Variants in PDGFB observed in about 807,000 individuals in gnomAD.
PDGFB encodes the protein platelet derived growth factor subunit B.
Under a neutral mutation model 29.0 loss-of-function variants are expected in PDGFB, and 6 were observed. The ratio of observed to expected loss-of-function variants is 0.21; its 90% CI spans 0.11 to 0.41. PDGFB has a LOEUF of 0.41. Ranked by LOEUF, PDGFB falls within the 10% of genes least tolerant of loss-of-function variation. The pLI is 1.00. For synonymous variants in PDGFB, 144 were observed against 140.8 expected, an observed-to-expected ratio of 1.02 and a Z score of -0.16; for missense variants, 299 against 341.8, an observed-to-expected ratio of 0.87 and a Z score of 0.99.
intron 5 of PDGFB, among the ~76,000 whole-genome samples, chr22:39,229,115 G>A (rs896574601): frequency 6.6e-6 from 1 of 152,016 alleles, no homozygotes; most frequent in Non-Finnish European, 1.5e-5. Context: ...AGATTGTCCT[G>A]TCCCTAACAA....
chr22:39,233,093 CT>C (rs1932350439), intron 3 of PDGFB, among the ~76,000 whole-genome samples: 1 of 152,176 alleles, frequency 6.6e-6, no homozygotes, highest in African/African-American at 2.4e-5. Context: ...CTACCGCTCC[CT>C]AGCAGTGTGA....
chr22:39,228,992 A>G (rs755054176), intron 5 of PDGFB, among the ~76,000 whole-genome samples: 1 of 151,888 alleles, frequency 6.6e-6, no homozygotes, highest in Non-Finnish European at 1.5e-5. Flanking sequence ...AAGCTGTCAT[A>G]TGATCAGCCT....
chr22:39,235,427 G>A (rs976456988), intron 2 of PDGFB, among the ~76,000 whole-genome samples: 5 of 152,298 alleles, frequency 3.3e-5, no homozygotes, highest in South Asian at 4.1e-4. Context: ...CCAGAGGGGC[G>A]GGGAGATGAC....
intron 1 of PDGFB, among the ~76,000 whole-genome samples, chr22:39,238,530 T>C (rs1235690691): frequency 6.6e-6 from 1 of 152,146 alleles, no homozygotes; most frequent in Admixed American, 6.6e-5. Context: ...CTACCAATCC[T>C]AAGAGGCTGG....
rs1960376293 is a variant in PDGFB at position 39,242,706 on chromosome 22, A to G, written c.63+1195T>C. Among the ~76,000 whole-genome samples the G allele has an allele frequency of 6.6e-6, 1 of 151,720 alleles. No individual in the cohort carries two copies. ...GCCCAAGGCCGGGCCGCGGCCTCCG[A>G]GCCCTCCGCCTTAACCCCTTCGCCG... On this transcript the variant is annotated intron_variant, in intron 1 of 6. Coordinates refer to ENST00000331163, the MANE Select transcript of PDGFB (RefSeq NM_002608.4). This position sits in a 1 kb window ranked among gnomAD's most constrained non-coding sequence, Gnocchi z 5.7.
chr22:39,231,909 C>T lies in PDGFB; in HGVS notation c.251-82G>A. On this transcript the variant is annotated intron_variant, in intron 3 of 6. Transcript: ENST00000331163. The surrounding 1 kb of genome is among the most constrained non-coding windows in gnomAD (Gnocchi z 4.3). ...TGGCAGGGGAGCTCAGCGGGTGCCT[C>T]CGGGACTGCTCTTTCTCACGCCCTT... is the stretch of plus-strand genomic sequence containing the variant. 1 of 1,181,264 alleles carries T rather than the reference C, an allele frequency of 8.5e-7. No individual in the cohort carries two copies. Among genetic ancestry groups the T allele is most frequent in the South Asian group, 1.4e-5 (1 of 71,144 alleles). The allele number at this position is 1,181,264 out of a possible 1,614,324, so 73.2% of individuals were successfully genotyped here. A position where few individuals can be genotyped will look rare whatever the true frequency, so the allele number is the denominator to read the frequency against.
Position 39,233,518 on chromosome 22 carries a change from T to G in PDGFB, c.167A>C (p.Asp56Ala). ...CATGTTCAGGTCCAACTCGGCCCCA[T>G]CTTCCTCTGCAGGAGAAGTCACAGT... ...RLLHGDPGEE[D>A]GAELDLNMTR... The change falls in exon 3 of 7, where the codon GAT becomes GCT. Residue 56 changes from aspartate (D) to alanine (A), a missense_variant. Transcript: ENST00000331163. 1.9e-6 allele frequency: 3 copies of G among 1,587,534 alleles called. No individual in the cohort carries two copies. The highest frequency in any genetic ancestry group is 2.6e-6 in the Non-Finnish European group (3 of 1,168,816).
chr22:39,236,828 G>C (rs955439328), intron 1 of PDGFB, among the ~76,000 whole-genome samples: 1 of 152,212 alleles, frequency 6.6e-6, no homozygotes, highest in Non-Finnish European at 1.5e-5. Flanking sequence ...GTCGCTGCAC[G>C]TTCAAAGGCT....
chr22:39,233,318 G>A (rs753231928), intron 3 of PDGFB, 117 bp downstream of exon 3: 12 of 669,588 alleles, frequency 1.8e-5, no homozygotes, highest in Admixed American at 3.3e-5. Flanking sequence ...CTGAATGTGG[G>A]GGGAACGGGA....
intron 5 of PDGFB, 150 bp downstream of exon 5, chr22:39,229,934 C>T (rs1025234708): frequency 1.1e-5 from 11 of 960,014 alleles, no homozygotes; most frequent in Non-Finnish European, 1.5e-5. Context: ...CAGGGAGGAA[C>T]CTGGCTTGTG....
chr22:39,226,536 A>G (rs2285095), intron 5 of PDGFB, among the ~76,000 whole-genome samples: 56,584 of 152,058 alleles, frequency 0.37, 11,070 homozygotes, highest in Middle Eastern at 0.49. Flanking sequence ...ACTGCAACCA[A>G]TAGAGGGGCC....
At chr22:39,226,432 C>A (rs938971744) in intron 5 of PDGFB, among the ~76,000 whole-genome samples, 1 of 152,036 alleles carries the variant, frequency 6.6e-6, no homozygotes, top group East Asian at 1.9e-4. Flanking sequence ...TGGCTCTCCC[C>A]GTAGAGCCAG....
rs992814153 is a variant in PDGFB, at chr22:39,242,947, C to T, written c.63+954G>A. On this transcript the variant is annotated intron_variant, in intron 1 of 6. Coordinates refer to ENST00000331163, the MANE Select transcript of PDGFB (RefSeq NM_002608.4). The surrounding 1 kb of genome is among the most constrained non-coding windows in gnomAD (Gnocchi z 5.7). ...CCACCTGGATTCCGGGTAGACTTGC[C>T]AACTCACGGCTACGTGAGGCTGGGA... is the stretch of plus-strand genomic sequence containing the variant. 3 of 233,028 alleles carry T rather than the reference C, an allele frequency of 1.3e-5. No homozygotes were observed. Among genetic ancestry groups the T allele is most frequent in the African/African-American group, 6.6e-5 (3 of 45,348 alleles). 14.4% of individuals were successfully genotyped at this position (233,028 alleles called of 1,614,324 possible). A position where few individuals can be genotyped will look rare whatever the true frequency, so the allele number is the denominator to read the frequency against.
Position 39,243,983 on chromosome 22 carries a change from C to A in PDGFB, c.-20G>T, listed in dbSNP as rs775482940. 6.4e-7 allele frequency: 1 copy of A among 1,565,566 alleles called. No individual in the cohort carries two copies. Among genetic ancestry groups the A allele is most frequent in the South Asian group, 1.2e-5 (1 of 86,150 alleles). On this transcript the variant is annotated 5_prime_UTR_variant, in exon 1 of 7. Transcript: ENST00000331163. The surrounding 1 kb of genome is among the most constrained non-coding windows in gnomAD (Gnocchi z 6.4). ...ATTCATGCCGACTCCGGGCCCGGCC[C>A]CGCGGGGCCCCGGACGCGTAGATCG...
intron 2 of PDGFB, among the ~76,000 whole-genome samples, chr22:39,234,560 G>A (rs1015179647): frequency 5.3e-5 from 8 of 152,222 alleles, no homozygotes; most frequent in Non-Finnish European, 1.0e-4. Context: ...TGTCCGTCCC[G>A]GGTACTGCAG....
chr22:39,239,579 C>T (rs1369686517), intron 1 of PDGFB, among the ~76,000 whole-genome samples: 2 of 152,178 alleles, frequency 1.3e-5, no homozygotes, highest in African/African-American at 4.8e-5. Context: ...GTGGACAGCT[C>T]ACTTCAGAGA....
At position 39,230,314 on chromosome 22, in the gene PDGFB, G is replaced by A. The variant is rs990385889; in HGVS notation, c.457-86C>T. ...CCGAATGGCTTGCGCTTCCCACCCC[G>A]GTGTCCCCTGCAGCAATCTTTCCTC... On this transcript the variant is annotated intron_variant, in intron 4 of 6. Coordinates refer to ENST00000331163, the MANE Select transcript of PDGFB (RefSeq NM_002608.4). 41 of 1,363,422 alleles carry A rather than the reference G, an allele frequency of 3.0e-5. No homozygotes were observed. The Admixed American group carries it at 5.2e-4, about 17-fold the overall frequency. The allele number at this position is 1,363,422 out of a possible 1,614,324, so 84.5% of individuals were successfully genotyped here. A position where few individuals can be genotyped will look rare whatever the true frequency, so the allele number is the denominator to read the frequency against.
intron 1 of PDGFB, among the ~76,000 whole-genome samples, chr22:39,236,910 C>A (rs1932457229): frequency 6.6e-6 from 1 of 152,174 alleles, no homozygotes; most frequent in Non-Finnish European, 1.5e-5. Context: ...TCTGGACAGA[C>A]AGTCCTGGAG....
chr22:39,238,775 C>T (rs1244694362), intron 1 of PDGFB, among the ~76,000 whole-genome samples: 4 of 152,252 alleles, frequency 2.6e-5, no homozygotes, highest in Non-Finnish European at 4.4e-5. Flanking sequence ...TGCAGCATGT[C>T]CCACGTCAGA....
Sources: gnomAD v4.1 joint callset for allele counts (sites outside exome capture counted in the v4.1 genomes callset) on GRCh38, gnomAD v4.1.1 for gene constraint, Gnocchi (gnomAD v3.1) non-coding constraint, MANE v1.5 for transcripts, NCBI Gene and HGNC (gene_info 2026-07-23, HGNC 2026-07-21) for gene names.